FCHO2: variants seen among roughly 807,000 people sequenced by gnomAD.
FCHO2 encodes FCH and mu domain containing endocytic adaptor 2, also known as F-BAR domain only protein 2.
FCHO2 carries 43 observed loss-of-function variants against 114.1 expected under a neutral mutation model. The observed-to-expected ratio is 0.38, with a 90% CI of 0.30 to 0.49. The LOEUF is 0.49. Among genes scored for constraint, FCHO2 ranks in the 20% least tolerant of loss-of-function variants. The pLI, the probability that FCHO2 is intolerant of heterozygous loss-of-function variation, is 0.97. For synonymous variants in FCHO2, 293 were observed against 315.2 expected, an observed-to-expected ratio of 0.93 and a Z score of 0.75; for missense variants, 807 against 950.4, an observed-to-expected ratio of 0.85 and a Z score of 1.98.
At chr5:72,968,191 T>C (rs1752310831) in intron 1 of FCHO2, among the ~76,000 whole-genome samples, 1 of 152,196 alleles carries the variant, frequency 6.6e-6, no homozygotes, top group Non-Finnish European at 1.5e-5. Context: ...CCCAAAGTGC[T>C]GGGATTACAG....
chr5:72,986,908 C>T (rs573510956), intron 2 of FCHO2, among the ~76,000 whole-genome samples: 30 of 142,448 alleles, frequency 2.1e-4, no homozygotes, highest in African/African-American at 7.7e-4. Flanking sequence ...GAGACGGAGT[C>T]TCACTCTGTC....
chr5:73,023,281 A>G (rs904444343), intron 8 of FCHO2, among the ~76,000 whole-genome samples: 2 of 152,276 alleles, frequency 1.3e-5, no homozygotes, highest in African/African-American at 4.8e-5. Flanking sequence ...ATGTTTAAAT[A>G]ATTAGAAATA....
chr5:73,054,170 C>T lies in FCHO2; in HGVS notation c.1184C>T (p.Pro395Leu). 1 of 1,521,280 alleles carries T rather than the reference C, an allele frequency of 6.6e-7. No individual in the cohort carries two copies. Among genetic ancestry groups the T allele is most frequent in the Non-Finnish European group, 8.8e-7 (1 of 1,130,222 alleles). 94.2% of individuals were successfully genotyped at this position (1,521,280 alleles called of 1,614,324 possible). Residue 395 changes from proline to leucine, a missense_variant and splice_region_variant, in exon 14 of 26, where the codon CCA (proline) becomes CTA (leucine). By Grantham distance (98) the Pro-to-Leu change is moderately conservative (BLOSUM62 -3). Transcript: ENST00000430046. ...TCCATGTACTACTAGAGACACAGTC[C>T]AGTAAGTACAAGATTTTATATTTTT... is the stretch of plus-strand genomic sequence containing the variant. ...TLSPAISRHS[P>L]VQMNRNLSNE...
intron 17 of FCHO2, among the ~76,000 whole-genome samples, chr5:73,059,974 A>C (rs1757778481): frequency 6.6e-6 from 1 of 152,012 alleles, no homozygotes; most frequent in South Asian, 2.1e-4. Context: ...GAATTATTAA[A>C]GTCTTTAATA....
chr5:73,063,052 G>GT (rs1757922209), intron 17 of FCHO2, among the ~76,000 whole-genome samples: 1 of 151,904 alleles, frequency 6.6e-6, no homozygotes, highest in Non-Finnish European at 1.5e-5. Flanking sequence ...TTTAAAGAGG[G>GT]TTTAAACCTA....
intron 2 of FCHO2, among the ~76,000 whole-genome samples, chr5:72,978,587 G>C (rs529089746): frequency 6.6e-6 from 1 of 152,180 alleles, no homozygotes; most frequent in East Asian, 1.9e-4. Flanking sequence ...TTTCCTATTT[G>C]AATACCCTTT....
chr5:73,068,744 C>T lies in FCHO2; in HGVS notation c.1544C>T (p.Ser515Phe), dbSNP rs1342323628. ...RAESSSSISSSASLSAANTPT... is the reference protein window; with the variant it reads ...RAESSSSISSFASLSAANTPT... ...GAAAGTTCTTCTTCTATCTCATCAT[C>T]TGCTTCATTGAGTGCTGCCAATACT... Residue 515 changes from serine (S) to phenylalanine (F), a missense_variant, in exon 19 of 26, where the codon TCT becomes TTT. Ser to Phe is a radical substitution (Grantham distance 155, BLOSUM62 -2). Coordinates refer to ENST00000430046, the MANE Select transcript of FCHO2 (RefSeq NM_138782.3). The T allele has an allele frequency of 6.2e-7, 1 of 1,612,358 alleles. No homozygotes were observed. The highest frequency in any genetic ancestry group is 8.5e-7 in the Non-Finnish European group (1 of 1,178,912).
intron 2 of FCHO2, among the ~76,000 whole-genome samples, chr5:72,983,274 G>A (rs1447025909): frequency 1.3e-5 from 2 of 151,982 alleles, no homozygotes; most frequent in Admixed American, 6.5e-5. Flanking sequence ...TGTTCCATAG[G>A]TATACATGTG....
At chr5:73,044,598 A>T (rs151107271) in intron 11 of FCHO2, among the ~76,000 whole-genome samples, 2 of 152,188 alleles carry the variant, frequency 1.3e-5, no homozygotes, top group Admixed American at 1.3e-4. Context: ...TTAAAGGTCT[A>T]TGTAATTTAA....
At chr5:72,967,922 A>G (rs1752289944) in intron 1 of FCHO2, among the ~76,000 whole-genome samples, 1 of 147,384 alleles carries the variant, frequency 6.8e-6, no homozygotes, top group Non-Finnish European at 1.5e-5. Flanking sequence ...GCCTGGCCTC[A>G]TACTTAATTT....
At chr5:73,048,481 C>G (rs925239935) in intron 11 of FCHO2, among the ~76,000 whole-genome samples, 1 of 152,108 alleles carries the variant, frequency 6.6e-6, no homozygotes. Flanking sequence ...TATTTTCAAT[C>G]TGCGGTTGGT....
chr5:73,041,189 TTAAA>T (rs1756787804), intron 10 of FCHO2, 98 bp from the exon 11 acceptor site: 1 of 710,076 alleles, frequency 1.4e-6, no homozygotes, highest in African/African-American at 1.8e-5. Context: ...TTTGTAGAGT[TTAAA>T]TAAAAGCTAT....
chr5:72,983,851 T>C (rs1753364409), intron 2 of FCHO2, among the ~76,000 whole-genome samples: 1 of 152,044 alleles, frequency 6.6e-6, no homozygotes, highest in South Asian at 2.1e-4. Flanking sequence ...TTTGCACATA[T>C]GTCCTGGTAT....
At chr5:73,073,546 T>G (rs1561494305) in intron 19 of FCHO2, among the ~76,000 whole-genome samples, 1 of 152,242 alleles carries the variant, frequency 6.6e-6, no homozygotes, top group East Asian at 1.9e-4. Context: ...TAGTAGCTGT[T>G]GTGATTTCAT....
intron 19 of FCHO2, among the ~76,000 whole-genome samples, chr5:73,069,166 C>A (rs1742510514): frequency 6.6e-6 from 1 of 152,046 alleles, no homozygotes; most frequent in Admixed American, 6.6e-5. Flanking sequence ...TTTGTGCTTG[C>A]AGTGAATTAT....
intron 16 of FCHO2, among the ~76,000 whole-genome samples, chr5:73,057,476 G>A (rs1757650718): frequency 6.6e-6 from 1 of 152,070 alleles, no homozygotes; most frequent in South Asian, 2.1e-4. Flanking sequence ...GTACTCTTAT[G>A]TAATTACAGC....
intron 1 of FCHO2, among the ~76,000 whole-genome samples, chr5:72,956,330 C>T (rs1200691915): frequency 1.3e-5 from 2 of 151,602 alleles, no homozygotes; most frequent in Non-Finnish European, 2.9e-5. Flanking sequence ...CCTATGGGGA[C>T]GGGGGCTGTC....
intron 1 of FCHO2, among the ~76,000 whole-genome samples, chr5:72,960,997 C>T (rs1751827829): frequency 6.6e-6 from 1 of 151,974 alleles, no homozygotes; most frequent in Non-Finnish European, 1.5e-5. Context: ...TATTTTTATC[C>T]TGAAGTTTTT....
chr5:73,072,761 A>G (rs1024082280), intron 19 of FCHO2, among the ~76,000 whole-genome samples: 6 of 151,984 alleles, frequency 3.9e-5, no homozygotes, highest in Non-Finnish European at 5.9e-5. Flanking sequence ...TTTCATGGGT[A>G]TAGGGTTTCC....
Sources: allele counts gnomAD v4.1 joint callset (sites outside exome capture counted in the v4.1 genomes callset), GRCh38; gene constraint gnomAD v4.1.1; transcripts MANE v1.5; gene names NCBI Gene and HGNC (gene_info 2026-07-23, HGNC 2026-07-21).